BTBD16: variants seen among roughly 807,000 people sequenced by gnomAD.
The protein encoded by BTBD16 is BTB/POZ domain-containing protein 16.
A neutral mutation model predicts 67.4 loss-of-function variants in BTBD16; 66 were observed. That is an observed-to-expected ratio of 0.98 (90% CI 0.80 to 1.20). The LOEUF is 1.20. Among genes scored for constraint, BTBD16 ranks in the 50% most tolerant of loss-of-function variants. The probability of loss-of-function intolerance (pLI) is 0.00; values close to 1 mark genes in which losing one functional copy is unlikely to be tolerated. For missense variants in BTBD16, 634 were observed against 616.0 expected (o/e 1.03, Z -0.31); for synonymous variants, 242 against 236.4 (o/e 1.02, Z -0.22).
At chr10:122,336,096 G>C (rs911502925) in intron 14 of BTBD16, among the ~76,000 whole-genome samples, 3 of 152,140 alleles carry the variant, frequency 2.0e-5, no homozygotes, top group African/African-American at 7.2e-5. Context: ...TCTCTTCCAT[G>C]GGCCTCAGCT....
intron 9 of BTBD16, among the ~76,000 whole-genome samples, chr10:122,301,165 G>A (rs926400421): frequency 6.6e-6 from 1 of 152,002 alleles, no homozygotes; most frequent in African/African-American, 2.4e-5. Flanking sequence ...CAATTGTTGA[G>A]GAAAAGATAA....
chr10:122,292,955 G>A (rs973059634), intron 7 of BTBD16, among the ~76,000 whole-genome samples: 1 of 152,204 alleles, frequency 6.6e-6, no homozygotes, highest in Non-Finnish European at 1.5e-5. Flanking sequence ...TTATGAAAGA[G>A]TAAGTGAACC....
chr10:122,274,754 C>A (rs2096336698), intron 1 of BTBD16, among the ~76,000 whole-genome samples: 1 of 152,116 alleles, frequency 6.6e-6, no homozygotes, highest in Non-Finnish European at 1.5e-5. Context: ...ATCTTTTGGT[C>A]TTCCTCACTT....
chr10:122,300,457 G>A (rs1001749195), intron 9 of BTBD16, among the ~76,000 whole-genome samples: 8 of 151,924 alleles, frequency 5.3e-5, no homozygotes, highest in South Asian at 2.1e-4. Context: ...TATCATCTGC[G>A]TCTCTACGTG....
At chr10:122,300,014 TG>T (rs1404092027) in intron 9 of BTBD16, among the ~76,000 whole-genome samples, 4 of 152,218 alleles carry the variant, frequency 2.6e-5, no homozygotes, top group African/African-American at 9.6e-5. Context: ...CTGAAATGCC[TG>T]TCCCCTGCCA....
At chr10:122,336,353 A>C in intron 14 of BTBD16, 141 bp from the exon 15 acceptor site, 1 of 675,266 alleles carries the variant, frequency 1.5e-6, no homozygotes, top group South Asian at 2.5e-5. Flanking sequence ...AGCAACTTTT[A>C]GGAGATGGTG....
intron 7 of BTBD16, among the ~76,000 whole-genome samples, chr10:122,295,144 G>A (rs2096380798): frequency 6.6e-6 from 1 of 152,218 alleles, no homozygotes; most frequent in Non-Finnish European, 1.5e-5. Flanking sequence ...CTGCTTCCCG[G>A]CAGTCTGTTG....
At chr10:122,327,720 G>T (rs981971033) in intron 10 of BTBD16, 6 of 890,914 alleles carry the variant, frequency 6.7e-6, no homozygotes, top group Non-Finnish European at 8.1e-6. Flanking sequence ...AATCCTCTGG[G>T]ACAGGATGGC....
At chr10:122,315,457 G>A (rs929955675) in intron 10 of BTBD16, among the ~76,000 whole-genome samples, 2 of 152,130 alleles carry the variant, frequency 1.3e-5, no homozygotes, top group Admixed American at 6.5e-5. Context: ...ATATTAGCTT[G>A]AAATTTTCCT....
At chr10:122,287,389 T>C (rs1156384243) in intron 5 of BTBD16, 1 of 980,094 alleles carries the variant, frequency 1.0e-6, no homozygotes, top group Non-Finnish European at 1.2e-6. Context: ...GTCTTTAACA[T>C]GTCTAGAATG....
At chr10:122,337,027 T>C (rs549931172) in intron 15 of BTBD16, among the ~76,000 whole-genome samples, 9 of 152,312 alleles carry the variant, frequency 5.9e-5, no homozygotes, top group African/African-American at 2.2e-4. Flanking sequence ...GAGTGGCACA[T>C]TAATTTCCCT....
At chr10:122,297,917 A>G in intron 8 of BTBD16, 80 bp downstream of exon 8, 1 of 1,248,120 alleles carries the variant, frequency 8.0e-7, no homozygotes, top group African/African-American at 1.5e-5. Flanking sequence ...TTTACCCACC[A>G]GGCCTACTTC....
chr10:122,328,252 A>G (rs988896799), intron 10 of BTBD16, among the ~76,000 whole-genome samples: 2 of 152,124 alleles, frequency 1.3e-5, no homozygotes, highest in Non-Finnish European at 2.9e-5. Context: ...GGCTCCACTT[A>G]CCCTCGGTAA....
chr10:122,301,167 A>C (rs2096393141), intron 9 of BTBD16, among the ~76,000 whole-genome samples: 1 of 152,106 alleles, frequency 6.6e-6, no homozygotes, highest in Non-Finnish European at 1.5e-5. Context: ...ATTGTTGAGG[A>C]AAAGATAAAC....
At chr10:122,294,528 G>A (rs1299869745) in intron 7 of BTBD16, among the ~76,000 whole-genome samples, 3 of 151,364 alleles carry the variant, frequency 2.0e-5, no homozygotes, top group African/African-American at 4.9e-5. Context: ...GCGTGTACCA[G>A]CACATATGTG....
At chr10:122,323,621 T>G (rs1833992508) in intron 10 of BTBD16, among the ~76,000 whole-genome samples, 1 of 151,788 alleles carries the variant, frequency 6.6e-6, no homozygotes. Flanking sequence ...TTCTTGTGAT[T>G]ATACTAATTG....
chr10:122,286,534 G>A (rs2096364139), intron 5 of BTBD16, among the ~76,000 whole-genome samples: 1 of 152,124 alleles, frequency 6.6e-6, no homozygotes, highest in South Asian at 2.1e-4. Context: ...TATTATCTTT[G>A]TAATAACCCG....
intron 3 of BTBD16, among the ~76,000 whole-genome samples, chr10:122,281,463 G>T (rs1590049346): frequency 6.6e-6 from 1 of 151,860 alleles, no homozygotes; most frequent in East Asian, 2.0e-4. Context: ...TCACAGGCAT[G>T]ATCACAGCTC....
rs542652284 is a variant in BTBD16, at chr10:122,323,228, A to G, written c.912-6252A>G. Among the ~76,000 whole-genome samples the G allele has an allele frequency of 3.8e-4, 58 of 152,376 alleles. 2 individuals carry two copies. Among genetic ancestry groups the G allele is most frequent in the Admixed American group, 2.5e-3 (38 of 15,308 alleles). The stretch of plus-strand genomic sequence containing the variant: ...AAATGGAAACAAGTGTCATGTTTAC[A>G]GAGTGATAGCTTGAAGTGCACAAAG... On this transcript the variant is annotated intron_variant, in intron 10 of 15. Transcript: ENST00000260723.
Sources: gnomAD v4.1 joint callset for allele counts (sites outside exome capture counted in the v4.1 genomes callset) on GRCh38, gnomAD v4.1.1 for gene constraint, MANE v1.5 for transcripts, NCBI Gene and HGNC (gene_info 2026-07-23, HGNC 2026-07-21) for gene names.